GPC3: variants seen among roughly 807,000 people sequenced by gnomAD.
The protein encoded by GPC3 is glypican-3.
Under a neutral mutation model 34.4 loss-of-function variants are expected in GPC3, and 3 were observed. That is an observed-to-expected ratio of 0.09 (90% CI 0.04 to 0.23). The LOEUF (loss-of-function observed/expected upper bound fraction) is 0.23. GPC3 is among the 10% of genes least tolerant of loss of function. The probability of loss-of-function intolerance (pLI) is 1.00; values close to 1 mark genes in which losing one functional copy is unlikely to be tolerated. For synonymous variants in GPC3, 177 were observed against 174.0 expected, an observed-to-expected ratio of 1.02 and a Z score of -0.13; for missense variants, 351 against 445.6, an observed-to-expected ratio of 0.79 and a Z score of 1.91.
chrX:133,823,357 C>T (rs1006096086), intron 2 of GPC3, among the ~76,000 whole-genome samples: 1 of 109,557 alleles, frequency 9.1e-6, no homozygotes, highest in African/African-American at 3.3e-5. Flanking sequence ...AAAAGAAAAA[C>T]ATTTCCATAT....
At chrX:133,830,593 G>A (rs760755966) in intron 2 of GPC3, among the ~76,000 whole-genome samples, 240 of 101,055 alleles carry the variant, frequency 2.4e-3, no homozygotes, top group Middle Eastern at 0.011. Flanking sequence ...CAGGAGAATC[G>A]CTTGAACCTG....
chrX:133,654,711 C>CAAAAAAA (rs200711396), intron 6 of GPC3, among the ~76,000 whole-genome samples: 76 of 95,390 alleles, frequency 8.0e-4, no homozygotes, highest in African/African-American at 3.4e-3. Context: ...GACTCCGTCT[C>CAAAAAAA]AAAAAACAAA....
At chrX:133,930,250 C>T (rs2076292694) in intron 2 of GPC3, among the ~76,000 whole-genome samples, 1 of 111,950 alleles carries the variant, frequency 8.9e-6, no homozygotes, top group South Asian at 3.8e-4. Context: ...CATTTGACAA[C>T]ATTTTTGGTT....
intron 2 of GPC3, among the ~76,000 whole-genome samples, chrX:133,772,103 C>T (rs1039416784): frequency 9.0e-6 from 1 of 111,036 alleles, no homozygotes; most frequent in Middle Eastern, 4.2e-3. Flanking sequence ...TCTCAAAGAA[C>T]GCCAGGTAGA....
intron 2 of GPC3, among the ~76,000 whole-genome samples, chrX:133,929,198 C>T (rs2076287497): frequency 8.9e-6 from 1 of 111,987 alleles, no homozygotes; most frequent in South Asian, 3.7e-4. Flanking sequence ...ATTGAAAAGA[C>T]TATTCTTTCT....
intron 2 of GPC3, among the ~76,000 whole-genome samples, chrX:133,761,961 C>T (rs2071796328): frequency 8.9e-6 from 1 of 112,144 alleles, no homozygotes; most frequent in Admixed American, 9.5e-5. Context: ...CTGGCTCCAT[C>T]TTACATTCCC....
In GPC3 at chrX:133,774,823, T is replaced by C. The variant is rs369336864; in HGVS notation, c.338-20647A>G. Among the ~76,000 whole-genome samples the C allele has an allele frequency of 2.0e-4, 22 of 111,615 alleles. No individual in the cohort carries two copies. In the East Asian group the frequency reaches 5.3e-3, roughly 27 times the overall value. Reference sequence around the variant, plus strand: ...GGCATGAGATATGAACTCTAATCAGTCTGGATCTGGGATCTCACTTATAAC... The same window carrying C: ...GGCATGAGATATGAACTCTAATCAGCCTGGATCTGGGATCTCACTTATAAC... On this transcript the variant is annotated intron_variant, in intron 2 of 7. Coordinates refer to ENST00000370818, the MANE Select transcript of GPC3 (RefSeq NM_004484.4).
At position 133,535,839 on chromosome X, in the gene GPC3, T is replaced by C. The variant is rs2069280469; in HGVS notation, c.*285A>G. 1 of 333,802 alleles carries C rather than the reference T, an allele frequency of 3.0e-6. No homozygotes were observed. The highest frequency in any genetic ancestry group is 5.2e-6 in the Non-Finnish European group (1 of 191,331). 27.5% of individuals were successfully genotyped at this position (333,802 alleles called of 1,213,427 possible). A position where few individuals can be genotyped will look rare whatever the true frequency, so the allele number is the denominator to read the frequency against. On this transcript the variant is annotated 3_prime_UTR_variant, in exon 8 of 8. Coordinates refer to ENST00000370818, the MANE Select transcript of GPC3 (RefSeq NM_004484.4). The stretch of plus-strand genomic sequence containing the variant: ...GTGAGAGAGAAAGACATGGTAACCA[T>C]GTTCTAGCAGCCAAACATAGGAGAA...
At position 133,782,106 on chromosome X, in the gene GPC3, C is replaced by A. The variant is rs189460195; in HGVS notation, c.338-27930G>T. Among the ~76,000 whole-genome samples, 370 of 111,370 alleles carry A rather than the reference C, an allele frequency of 3.3e-3. 2 individuals carry two copies. Among genetic ancestry groups the A allele is most frequent in the African/African-American group, 0.012 (356 of 30,644 alleles). On this transcript the variant is annotated intron_variant, in intron 2 of 7. Transcript: ENST00000370818. ...TGAGAAGTAACAGCTCTGAATGCTA[C>A]CAGAGGGAATCTACTTATTGAAGAT...
At chrX:133,976,008 C>A (rs1447411363) in intron 1 of GPC3, among the ~76,000 whole-genome samples, 1 of 111,645 alleles carries the variant, frequency 9.0e-6, no homozygotes, top group Non-Finnish European at 1.9e-5. Context: ...TTATTGGTGA[C>A]TGTCACTACT....
intron 1 of GPC3, among the ~76,000 whole-genome samples, chrX:133,966,068 T>C (rs1275042090): frequency 1.8e-5 from 2 of 111,951 alleles, no homozygotes; most frequent in Non-Finnish European, 3.8e-5. Context: ...TAGTCCCATA[T>C]AATAAGAAGG....
chrX:133,799,743 G>A (rs2075599847), intron 2 of GPC3, among the ~76,000 whole-genome samples: 1 of 111,748 alleles, frequency 8.9e-6, no homozygotes, highest in Non-Finnish European at 1.9e-5. Context: ...GCCCAGCATA[G>A]TTCTCTCTGA....
At chrX:133,719,638 T>A (rs961495505) in intron 3 of GPC3, among the ~76,000 whole-genome samples, 43 of 108,778 alleles carry the variant, frequency 4.0e-4, no homozygotes, top group Non-Finnish European at 7.9e-4. Context: ...TAAAAAAAAA[T>A]AAAAAATAAA....
intron 3 of GPC3, among the ~76,000 whole-genome samples, chrX:133,709,199 G>C (rs1040479420): frequency 1.2e-4 from 13 of 112,016 alleles, no homozygotes; most frequent in Admixed American, 1.1e-3. Context: ...GCTTTTCTGA[G>C]AAATGTTGCC....
At chrX:133,715,048 G>C (rs185986304) in intron 3 of GPC3, among the ~76,000 whole-genome samples, 1 of 111,829 alleles carries the variant, frequency 8.9e-6, no homozygotes, top group East Asian at 2.8e-4. Context: ...GGAGATTAAC[G>C]TTTCAGTCAG....
intron 7 of GPC3, among the ~76,000 whole-genome samples, chrX:133,561,571 G>A (rs1304520574): frequency 2.7e-5 from 3 of 112,162 alleles, no homozygotes; most frequent in Non-Finnish European, 5.6e-5. Flanking sequence ...CTTAAAATAT[G>A]CCCAAGTGCA....
chrX:133,828,598 C>T (rs1382743427), intron 2 of GPC3, among the ~76,000 whole-genome samples: 1 of 111,583 alleles, frequency 9.0e-6, no homozygotes, highest in East Asian at 2.8e-4. Context: ...ATTAAAGTCT[C>T]CAATTAATCT....
intron 7 of GPC3, among the ~76,000 whole-genome samples, chrX:133,558,168 G>C (rs2069507291): frequency 9.0e-6 from 1 of 111,476 alleles, no homozygotes; most frequent in African/African-American, 3.3e-5. Context: ...TATAGCTTAG[G>C]TCACCCAGGG....
At chrX:133,627,635 C>A (rs2124366999) in intron 6 of GPC3, among the ~76,000 whole-genome samples, 1 of 112,500 alleles carries the variant, frequency 8.9e-6, no homozygotes, top group South Asian at 3.7e-4. Flanking sequence ...AGTACAAATT[C>A]AACAAAGGCC....
Sources: allele counts gnomAD v4.1 joint callset (sites outside exome capture counted in the v4.1 genomes callset), GRCh38; gene constraint gnomAD v4.1.1; transcripts MANE v1.5; gene names NCBI Gene and HGNC (gene_info 2026-07-23, HGNC 2026-07-21).